Variants in ASH1L observed in about 807,000 individuals in gnomAD.
ASH1L encodes ASH1 like histone lysine methyltransferase.
A neutral mutation model predicts 269.0 loss-of-function variants in ASH1L; 23 were observed. That is an observed-to-expected ratio of 0.09 (90% CI 0.06 to 0.12). ASH1L has a LOEUF of 0.12. ASH1L is among the 10% of genes least tolerant of loss of function. The probability of loss-of-function intolerance (pLI) is 1.00; values close to 1 mark genes in which losing one functional copy is unlikely to be tolerated. For synonymous variants in ASH1L, 1,187 were observed against 1,253.5 expected, an observed-to-expected ratio of 0.95 and a Z score of 1.12; for missense variants, 2,912 against 3,567.8, an observed-to-expected ratio of 0.82 and a Z score of 4.68.
At position 155,343,502 on chromosome 1, in the gene ASH1L, A is replaced by G. The variant is rs1558013844; in HGVS notation, c.8121-16T>C. ...CCGTTCCTCTCTAAAACAATGGAAA[A>G]GTGAGAAGGGAGAGGTTTAGCTGAT... is the stretch of plus-strand genomic sequence containing the variant. On this transcript the variant is annotated splice_polypyrimidine_tract_variant and intron_variant, in intron 23 of 27. Transcript: ENST00000392403. This position sits in a 1 kb window ranked among gnomAD's most constrained non-coding sequence, Gnocchi z 6.1. The G allele has an allele frequency of 6.2e-7, 1 of 1,613,504 alleles. No homozygotes were observed. The highest frequency in any genetic ancestry group is 1.7e-5 in the Admixed American group (1 of 60,000).
Position 155,478,527 on chromosome 1 carries a change from C to G in ASH1L, c.4343G>C (p.Arg1448Pro). ...KYHKKKHKLL[R>P]QEAFLTTSRT... The stretch of plus-strand genomic sequence containing the variant: ...GCTGGTTGTAAGAAAGGCCTCCTGT[C>G]GAAGTAGCTTATGCTTTTTCTTATG... Residue 1448 changes from arginine to proline, a missense_variant, in exon 3 of 28, where the codon CGA (arginine) becomes CCA (proline). Physicochemically the swap from Arg to Pro is moderately radical, Grantham distance 103. Coordinates refer to ENST00000392403, the MANE Select transcript of ASH1L (RefSeq NM_018489.3). This position sits in a 1 kb window ranked among gnomAD's most constrained non-coding sequence, Gnocchi z 4.6. 1 of 1,613,950 alleles carries G rather than the reference C, an allele frequency of 6.2e-7. No homozygotes were observed. The highest frequency in any genetic ancestry group is 8.5e-7 in the Non-Finnish European group (1 of 1,180,004).
In ASH1L at chr1:155,343,444, G is replaced by A. The variant is rs748540891; in HGVS notation, c.8163C>T (p.His2721=). The A allele has an allele frequency of 2.5e-5, 40 of 1,614,042 alleles. No individual in the cohort carries two copies. The highest frequency in any genetic ancestry group is 5.0e-5 in the Admixed American group (3 of 59,996). The change falls in exon 24 of 28, where the codon CAC becomes CAT. Residue 2721 remains histidine, a synonymous_variant. Coordinates refer to ENST00000392403, the MANE Select transcript of ASH1L (RefSeq NM_018489.3). This position sits in a 1 kb window ranked among gnomAD's most constrained non-coding sequence, Gnocchi z 6.1. ...FAFGHHYFRP[H]ETHHSPSRRF... is the part of the protein sequence containing the mutation. ...GACGGGATGGAGAGTGGTGTGTTTC[G>A]TGGGGACGGAAATAATGGTGACCAA...
intron 1 of ASH1L, among the ~76,000 whole-genome samples, chr1:155,552,538 C>T (rs1297912282): frequency 6.6e-6 from 1 of 151,860 alleles, no homozygotes; most frequent in Non-Finnish European, 1.5e-5. Context: ...CCCAGCTACT[C>T]AGGAGACTGA....
At chr1:155,351,989 G>T in intron 17 of ASH1L, among the ~76,000 whole-genome samples, 1 of 151,880 alleles carries the variant, frequency 6.6e-6, no homozygotes, top group East Asian at 1.9e-4. Context: ...GATTTTTCCT[G>T]TAACAGTTAC....
chr1:155,351,550 C>T (rs534158730), intron 17 of ASH1L, among the ~76,000 whole-genome samples: 77 of 148,254 alleles, frequency 5.2e-4, no homozygotes, highest in Admixed American at 1.1e-3. Context: ...GAGACCCTGT[C>T]TAAAACAATA....
intron 5 of ASH1L, among the ~76,000 whole-genome samples, chr1:155,429,004 C>T (rs933334658): frequency 3.3e-5 from 5 of 151,916 alleles, no homozygotes; most frequent in East Asian, 1.9e-4. Context: ...GAGCTGGTCT[C>T]GGCATATATA....
intron 21 of ASH1L, 148 bp downstream of exon 21, chr1:155,346,235 C>T: frequency 6.4e-7 from 1 of 1,551,890 alleles, no homozygotes. Context: ...AGAATTATGA[C>T]CCTTAATGTA....
In ASH1L at chr1:155,433,189, C is replaced by T. The variant is rs774400690; in HGVS notation, c.5828+5138G>A. On this transcript the variant is annotated intron_variant, in intron 5 of 27. Coordinates refer to ENST00000392403, the MANE Select transcript of ASH1L (RefSeq NM_018489.3). The stretch of plus-strand genomic sequence containing the variant: ...GGCGCCTTCCTTCCCCATGGCGGGA[C>T]ACCTGGCTTCGGATGCCTGCCTTCT... 1.6e-5 allele frequency: 25 copies of T among 1,537,152 alleles called. No homozygotes were observed. In the South Asian group the frequency reaches 2.8e-4, roughly 17 times the overall value.
chr1:155,422,317 T>C (rs1660760122), intron 5 of ASH1L, among the ~76,000 whole-genome samples: 1 of 150,206 alleles, frequency 6.7e-6, no homozygotes, highest in Non-Finnish European at 1.5e-5. Flanking sequence ...TTTTTTTTTT[T>C]TTTTTTTTGA....
At chr1:155,507,303 C>T (rs1667880343) in intron 2 of ASH1L, among the ~76,000 whole-genome samples, 1 of 151,618 alleles carries the variant, frequency 6.6e-6, no homozygotes, top group South Asian at 2.1e-4. Flanking sequence ...AAACGCTTCA[C>T]TGAAATTCAA....
rs763744297 is a variant in ASH1L, at chr1:155,482,294, C to A, written c.576G>T (p.Thr192=). ...CCCGGCTACCAAGAAGAGTAGATGG[C>A]GTTGCATTAATATAATCTGCCATTT... The part of the protein sequence containing the change: ...HSEMADYINA[T]PSTLLGSRDP... The change falls in exon 3 of 28, where the codon ACG becomes ACT. Residue 192 remains threonine (T), a synonymous_variant. Coordinates refer to ENST00000392403, the MANE Select transcript of ASH1L (RefSeq NM_018489.3). 6.2e-7 allele frequency: 1 copy of A among 1,614,080 alleles called. No homozygotes were observed. The highest frequency in any genetic ancestry group is 1.3e-5 in the African/African-American group (1 of 75,012).
rs1169340863 is a variant in ASH1L at position 155,404,344 on chromosome 1, ACT to A, written c.6009-8793_6009-8792del. ...GTACTCTAGTCTGGATGAGAGGTAG[ACT>A]CTGTCTTTAAAAAAGAAAAAAATCC... On this transcript the variant is annotated intron_variant, in intron 6 of 27. Coordinates refer to ENST00000392403, the MANE Select transcript of ASH1L (RefSeq NM_018489.3). 8.6e-5 allele frequency among the ~76,000 whole-genome samples: 13 copies of A among 151,918 alleles called. No individual in the cohort carries two copies. In the East Asian group the frequency reaches 2.3e-3, roughly 27 times the overall value.
chr1:155,401,632 C>CA (rs1309101385), intron 6 of ASH1L, among the ~76,000 whole-genome samples: 2 of 151,400 alleles, frequency 1.3e-5, no homozygotes, highest in Non-Finnish European at 2.9e-5. Flanking sequence ...ACTAAAAATA[C>CA]AAAAAATTAG....
intron 4 of ASH1L, among the ~76,000 whole-genome samples, chr1:155,444,257 C>T (rs1381836845): frequency 6.6e-6 from 1 of 152,128 alleles, no homozygotes. Flanking sequence ...CCTGGGATTA[C>T]AGGTGTGAGC....
rs1173965156 is a variant in ASH1L, at chr1:155,381,896, GAAAAC to G, written c.6104-1785_6104-1781del. Among the ~76,000 whole-genome samples the G allele has an allele frequency of 5.9e-5, 9 of 151,484 alleles. No individual in the cohort carries two copies. The East Asian group carries it at 9.7e-4, about 16-fold the overall frequency. ...GTGAGACACGGTCTCAAAAAAAAAG[GAAAAC>G]AAAACAAAACAAAAAAACAGCCTTG... On this transcript the variant is annotated intron_variant, in intron 7 of 27. Transcript: ENST00000392403.
intron 6 of ASH1L, among the ~76,000 whole-genome samples, chr1:155,407,013 A>T (rs1558071445): frequency 6.6e-6 from 1 of 152,140 alleles, no homozygotes; most frequent in Admixed American, 6.5e-5. Context: ...TACAAAAAAA[A>T]GGGGAATTGA....
intron 5 of ASH1L, among the ~76,000 whole-genome samples, chr1:155,430,727 G>A (rs911541651): frequency 6.6e-6 from 1 of 152,128 alleles, no homozygotes; most frequent in Admixed American, 6.5e-5. Flanking sequence ...AACTTAAGGT[G>A]TATGTTTTAC....
At chr1:155,382,237 G>A (rs1020581313) in intron 7 of ASH1L, among the ~76,000 whole-genome samples, 1 of 150,772 alleles carries the variant, frequency 6.6e-6, no homozygotes, top group Non-Finnish European at 1.5e-5. Context: ...GGTGGCTCAC[G>A]CCTGTAATCC....
chr1:155,358,803 C>A (rs966685802), intron 13 of ASH1L: 3 of 151,416 alleles, frequency 2.0e-5, no homozygotes, highest in Admixed American at 6.6e-5. Context: ...AGTATATATG[C>A]TGTCAAAGCA....
Sources: allele counts gnomAD v4.1 joint callset (sites outside exome capture counted in the v4.1 genomes callset), GRCh38; gene constraint gnomAD v4.1.1; non-coding constraint Gnocchi (gnomAD v3.1); transcripts MANE v1.5; gene names NCBI Gene and HGNC (gene_info 2026-07-23, HGNC 2026-07-21).